PLAGL1: variants seen among roughly 807,000 people sequenced by gnomAD.
PLAGL1 encodes the protein zinc finger protein PLAGL1.
In PLAGL1, 1 loss-of-function variant was observed where a neutral mutation model predicts 4.6. The observed-to-expected ratio is 0.22, with a 90% CI of 0.08 to 1.03. The LOEUF (loss-of-function observed/expected upper bound fraction) is 1.03. PLAGL1 is among the 50% of genes least tolerant of loss of function. The pLI is 0.58. For missense variants in PLAGL1, 464 were observed against 570.4 expected (o/e 0.81, Z 1.90); for synonymous variants, 240 against 237.8 (o/e 1.01, Z -0.08).
rs996770672 is a variant in PLAGL1, at chr6:144,059,548, T to A, written c.-151+4920A>T. 6.6e-6 allele frequency among the ~76,000 whole-genome samples: 1 copy of A among 152,196 alleles called. No individual in the cohort carries two copies. The highest frequency in any genetic ancestry group is 2.1e-4 in the South Asian group (1 of 4,834). On this transcript the variant is annotated intron_variant, in intron 1 of 3. Coordinates refer to the PLAGL1 transcript ENST00000437412. The surrounding 1 kb of genome is among the most constrained non-coding windows in gnomAD (Gnocchi z 4.9). Reference sequence around the variant, plus strand: ...CTCCCTTCTCAATAATAGGGAAGAATCACATATATTTTGATAAATACTACT... The same window carrying A: ...CTCCCTTCTCAATAATAGGGAAGAAACACATATATTTTGATAAATACTACT...
chr6:143,961,805 G>C lies in PLAGL1; in HGVS notation c.-398-1263C>G, dbSNP rs1783432671. Among the ~76,000 whole-genome samples the C allele has an allele frequency of 6.6e-6, 1 of 152,140 alleles. No homozygotes were observed. Among genetic ancestry groups the C allele is most frequent in the Admixed American group, 6.5e-5 (1 of 15,276 alleles). ...AATTCTTCCGGATGATTCTTCCTTT[G>C]CACCTACCCATCTCACAAACGGACA... is the stretch of plus-strand genomic sequence containing the variant. On this transcript the variant is annotated intron_variant, in intron 5 of 7. Coordinates refer to ENST00000674357, the MANE Select transcript of PLAGL1 (RefSeq NM_001317162.2). This position sits in a 1 kb window ranked among gnomAD's most constrained non-coding sequence, Gnocchi z 6.5.
rs1414943241 is a variant in PLAGL1 at position 143,957,904 on chromosome 6, A to G, written c.-325+2565T>C. On this transcript the variant is annotated intron_variant, in intron 6 of 7. Coordinates refer to ENST00000674357, the MANE Select transcript of PLAGL1 (RefSeq NM_001317162.2). This position sits in a 1 kb window ranked among gnomAD's most constrained non-coding sequence, Gnocchi z 4.2. The stretch of plus-strand genomic sequence containing the variant: ...AGATGACCTCATTGTTTATTTTTTG[A>G]ATATCTGCACTTTCTAAAGTTTGAT... Among the ~76,000 whole-genome samples the G allele has an allele frequency of 1.3e-5, 2 of 152,252 alleles. No homozygotes were observed. The highest frequency in any genetic ancestry group is 1.3e-4 in the Admixed American group (2 of 15,284).
rs950333188 is a variant in PLAGL1 at position 143,945,768 on chromosome 6, T to A, written c.152+2217A>T. On this transcript the variant is annotated intron_variant, in intron 7 of 7. Coordinates refer to ENST00000674357, the MANE Select transcript of PLAGL1 (RefSeq NM_001317162.2). The surrounding 1 kb of genome is among the most constrained non-coding windows in gnomAD (Gnocchi z 4.2). Reference sequence around the variant, plus strand: ...GGGATTACAGGCATCATCTTTTTTTTAAAAGCAAAACCGAAAGCATCCTGC... The same window carrying A: ...GGGATTACAGGCATCATCTTTTTTTAAAAAGCAAAACCGAAAGCATCCTGC... Among the ~76,000 whole-genome samples the A allele has an allele frequency of 7.9e-5, 12 of 152,142 alleles. No homozygotes were observed. The highest frequency in any genetic ancestry group is 1.6e-4 in the Non-Finnish European group (11 of 68,034).
At position 143,949,472 on chromosome 6, in the gene PLAGL1, C is replaced by T. The variant is rs1216499589; in HGVS notation, c.-324-1012G>A. On this transcript the variant is annotated intron_variant, in intron 6 of 7. Coordinates refer to ENST00000674357, the MANE Select transcript of PLAGL1 (RefSeq NM_001317162.2). This position sits in a 1 kb window ranked among gnomAD's most constrained non-coding sequence, Gnocchi z 5.3. The stretch of plus-strand genomic sequence containing the variant: ...ACTTGGAGATGTCTCCTCCTAGCTT[C>T]ACTCTCAGGACCTGGACCAACCCCC... Among the ~76,000 whole-genome samples, 1 of 152,174 alleles carries T rather than the reference C, an allele frequency of 6.6e-6. No individual in the cohort carries two copies. The highest frequency in any genetic ancestry group is 1.5e-5 in the Non-Finnish European group (1 of 68,030).
intron 1 of PLAGL1, among the ~76,000 whole-genome samples, chr6:144,058,900 C>T (rs1055177308): frequency 6.6e-6 from 1 of 152,144 alleles, no homozygotes. Context: ...TGCATCTTTT[C>T]TAGGCAAGAG....
chr6:143,998,942 AAG>A (rs1273712580), intron 1 of PLAGL1, among the ~76,000 whole-genome samples: 1 of 152,202 alleles, frequency 6.6e-6, no homozygotes, highest in Non-Finnish European at 1.5e-5. Flanking sequence ...AGACAAAAAA[AAG>A]GACCATTGTC....
At position 143,986,866 on chromosome 6, in the gene PLAGL1, G is replaced by A. The variant is rs6929415; in HGVS notation, c.-583-1692C>T. ...TCTTTACAGTGCTAATTTTACAGAC[G>A]TCTCCTGGATGATCTAAGTTCAAGA... On this transcript the variant is annotated intron_variant, in intron 1 of 7. Coordinates refer to ENST00000674357, the MANE Select transcript of PLAGL1 (RefSeq NM_001317162.2). Among the ~76,000 whole-genome samples, 1,292 of 152,228 alleles carry A rather than the reference G, an allele frequency of 8.5e-3. 14 individuals carry two copies. Among genetic ancestry groups the A allele is most frequent in the African/African-American group, 0.029 (1,191 of 41,534 alleles).
chr6:144,019,161 G>T (rs6942039), intron 1 of PLAGL1, among the ~76,000 whole-genome samples: 1 of 151,954 alleles, frequency 6.6e-6, no homozygotes, highest in Non-Finnish European at 1.5e-5. Context: ...TCATTCTAAA[G>T]TGATCCCTGG....
rs181438088 is a variant in PLAGL1, at chr6:144,063,923, G to T, written c.-151+545C>A. ...TCCCGGAGTCTGCGGGGACCTCCCC[G>T]CCGCAACTCGGTCACTTTGTTCCCA... On this transcript the variant is annotated intron_variant, in intron 1 of 3. Transcript: ENST00000437412. This position sits in a 1 kb window ranked among gnomAD's most constrained non-coding sequence, Gnocchi z 5.7. 4.4e-4 allele frequency among the ~76,000 whole-genome samples: 67 copies of T among 152,302 alleles called. No individual in the cohort carries two copies. The East Asian group carries it at 0.013, about 29-fold the overall frequency.
Position 143,941,344 on chromosome 6 carries a change from T to C in PLAGL1, c.*80A>G. 1 of 1,161,486 alleles carries C rather than the reference T, an allele frequency of 8.6e-7. No homozygotes were observed. The allele number at this position is 1,161,486 out of a possible 1,614,324, so 71.9% of individuals were successfully genotyped here. ...CATAGTCCCAGTCTCGTTTTCCAAA[T>C]CTTTCTCATATTGTAACTGACATTT... On this transcript the variant is annotated 3_prime_UTR_variant, in exon 8 of 8. Coordinates refer to ENST00000674357, the MANE Select transcript of PLAGL1 (RefSeq NM_001317162.2). This position sits in a 1 kb window ranked among gnomAD's most constrained non-coding sequence, Gnocchi z 6.0.
chr6:144,017,871 C>T (rs566000814), intron 1 of PLAGL1, among the ~76,000 whole-genome samples: 1 of 152,290 alleles, frequency 6.6e-6, no homozygotes, highest in African/African-American at 2.4e-5. Context: ...AGGATGTTTA[C>T]TCTGACTGCA....
rs1293290903 is a variant in PLAGL1, at chr6:143,965,916, G to A, written c.-431+242C>T. The stretch of plus-strand genomic sequence containing the variant: ...GGGATAGGGTGGTTGCATGGGGAGG[G>A]ATGCTAGAGAATGGAGAACGAGTTC... On this transcript the variant is annotated intron_variant, in intron 4 of 7. Transcript: ENST00000674357. The surrounding 1 kb of genome is among the most constrained non-coding windows in gnomAD (Gnocchi z 7.5). 1 of 152,236 alleles carries A rather than the reference G, an allele frequency of 6.6e-6. No individual in the cohort carries two copies. Among genetic ancestry groups the A allele is most frequent in the African/African-American group, 2.4e-5 (1 of 41,436 alleles). 9.4% of individuals were successfully genotyped at this position (152,236 alleles called of 1,614,324 possible).
In PLAGL1 at chr6:143,941,606, C is replaced by A; in HGVS notation, c.1210G>T (p.Ala404Ser). ...GGCAAAGATTCCCCAGGCCCCAGGG[C>A]AAGAGTGCTATTCCCAAAGGTATTT... The part of the protein sequence containing the change: ...TQNTFGNSTL[A>S]LGPGESLPHR... Residue 404 changes from alanine (A) to serine (S), a missense_variant, in exon 8 of 8, where the codon GCC (alanine) becomes TCC (serine). This residue lies in a region of PLAGL1 where 248 missense variants were observed against 250.1 expected (regional missense o/e 0.99). Transcript: ENST00000674357. This position sits in a 1 kb window ranked among gnomAD's most constrained non-coding sequence, Gnocchi z 6.0. 1 of 1,613,340 alleles carries A rather than the reference C, an allele frequency of 6.2e-7. No homozygotes were observed. Among genetic ancestry groups the A allele is most frequent in the African/African-American group, 1.3e-5 (1 of 75,028 alleles).
At chr6:144,052,088 A>G (rs1346926306) in intron 1 of PLAGL1, among the ~76,000 whole-genome samples, 1 of 152,222 alleles carries the variant, frequency 6.6e-6, no homozygotes, top group East Asian at 1.9e-4. Flanking sequence ...ATACTGCTCC[A>G]ATTACTTTAC....
At chr6:144,060,978 A>T (rs73781364) in intron 1 of PLAGL1, among the ~76,000 whole-genome samples, 3,419 of 152,330 alleles carry the variant, frequency 0.022, 125 homozygotes, top group African/African-American at 0.076. Context: ...TCTCCCATAT[A>T]TGACTTCCTT....
Position 143,954,601 on chromosome 6 carries a change from AAGAAACATGAAAG to A in PLAGL1, c.-325+5855_-325+5867del, listed in dbSNP as rs1781742729. ...TGGTTAAAATATGTATCATTTCACC[AAGAAACATGAAAG>A]GAGAGGAGATGATTTTTAAACTAAC... is the stretch of plus-strand genomic sequence containing the variant. On this transcript the variant is annotated intron_variant, in intron 6 of 7. Coordinates refer to ENST00000674357, the MANE Select transcript of PLAGL1 (RefSeq NM_001317162.2). The surrounding 1 kb of genome is among the most constrained non-coding windows in gnomAD (Gnocchi z 5.1). Among the ~76,000 whole-genome samples, 1 of 152,254 alleles carries A rather than the reference AAGAAACATGAAAG, an allele frequency of 6.6e-6. No homozygotes were observed. Among genetic ancestry groups the A allele is most frequent in the African/African-American group, 2.4e-5 (1 of 41,474 alleles).
intron 1 of PLAGL1, among the ~76,000 whole-genome samples, chr6:144,020,279 T>G (rs1795876085): frequency 6.8e-6 from 1 of 146,556 alleles, no homozygotes; most frequent in Non-Finnish European, 1.5e-5. Flanking sequence ...ACTTCCTTGT[T>G]TGTTTGTTTG....
At position 143,942,082 on chromosome 6, in the gene PLAGL1, C is replaced by T. The variant is rs1156330547; in HGVS notation, c.734G>A (p.Gly245Glu). Residue 245 changes from glycine (G) to glutamate (E), a missense_variant, in exon 8 of 8, where the codon GGA (glycine) becomes GAA (glutamate). Gly to Glu is a moderately conservative substitution (Grantham distance 98). Around this residue, in one of 4 missense-constraint regions of PLAGL1, gnomAD observed 248 missense variants for 250.1 expected, o/e 0.99. Transcript: ENST00000674357. The surrounding 1 kb of genome is among the most constrained non-coding windows in gnomAD (Gnocchi z 7.6). ...TGCAAGCCCGTTCTGGGCAGAAGCT[C>T]CTAAAGGGAAAGGAGGCAAGGCAGC... ...KAAALPPFPL[G>E]ASAQNGLASS... The T allele has an allele frequency of 6.2e-7, 1 of 1,613,788 alleles. No individual in the cohort carries two copies. Among genetic ancestry groups the T allele is most frequent in the South Asian group, 1.1e-5 (1 of 91,028 alleles).
At chr6:144,057,114 A>G (rs939750943) in intron 1 of PLAGL1, among the ~76,000 whole-genome samples, 1 of 151,974 alleles carries the variant, frequency 6.6e-6, no homozygotes, top group Non-Finnish European at 1.5e-5. Flanking sequence ...TCAGTTTTCA[A>G]CTCCTTTGGG....
Sources: gnomAD v4.1 joint callset for allele counts (sites outside exome capture counted in the v4.1 genomes callset) on GRCh38, gnomAD v4.1.1 for gene constraint, gnomAD v4.1.1 regional missense constraint, Gnocchi (gnomAD v3.1) non-coding constraint, MANE v1.5 for transcripts, NCBI Gene and HGNC (gene_info 2026-07-23, HGNC 2026-07-21) for gene names.